The following PPFIA4 variants were observed in gnomAD, a reference collection of about 807,000 sequenced individuals.
The protein encoded by PPFIA4 is liprin-alpha-4.
In PPFIA4, 98 loss-of-function variants were observed where a neutral mutation model predicts 145.7. That is an observed-to-expected ratio of 0.67 (90% CI 0.57 to 0.80). The LOEUF (loss-of-function observed/expected upper bound fraction) is 0.80. Ranked by LOEUF, PPFIA4 falls within the 30% of genes least tolerant of loss-of-function variation. PPFIA4 has a pLI of 0.00. For synonymous variants in PPFIA4, 628 were observed against 649.6 expected (o/e 0.97, Z 0.51); for missense variants, 1,457 against 1,632.7 (o/e 0.89, Z 1.85).
At chr1:203,054,671 G>GACAC (rs57027876) in intron 15 of PPFIA4, among the ~76,000 whole-genome samples, 17,728 of 148,298 alleles carry the variant, frequency 0.12, 1,231 homozygotes, top group South Asian at 0.17. Context: ...TTACAAAGAA[G>GACAC]ACACACACAC....
In PPFIA4 at chr1:203,055,369, G is replaced by A. The variant is rs924080111; in HGVS notation, c.1830-63G>A. 1.4e-5 allele frequency: 22 copies of A among 1,604,108 alleles called. No homozygotes were observed. The highest frequency in any genetic ancestry group is 1.7e-5 in the Admixed American group (1 of 59,862). On this transcript the variant is annotated intron_variant, in intron 15 of 29. Coordinates refer to ENST00000295706, the MANE Select transcript of PPFIA4 (RefSeq NM_001304331.2). This position sits in a 1 kb window ranked among gnomAD's most constrained non-coding sequence, Gnocchi z 4.8. ...TGGTGGCGAGTGCAGGCATCGACCC[G>A]CACTGCCTCCTGCTGGTCCTGGCTG...
intron 27 of PPFIA4, 110 bp from the exon 28 acceptor site, chr1:203,071,582 T>A: frequency 1.2e-6 from 1 of 835,290 alleles, no homozygotes; most frequent in Non-Finnish European, 2.0e-6. Context: ...CTAAATGCAC[T>A]GGAGCCTTGC....
chr1:203,043,337 G>C lies in PPFIA4; in HGVS notation c.235-60G>C. 1 of 1,452,280 alleles carries C rather than the reference G, an allele frequency of 6.9e-7. No homozygotes were observed. Among genetic ancestry groups the C allele is most frequent in the Admixed American group, 1.9e-5 (1 of 51,584 alleles). 90.0% of individuals were successfully genotyped at this position (1,452,280 alleles called of 1,614,324 possible). A position where few individuals can be genotyped will look rare whatever the true frequency, so the allele number is the denominator to read the frequency against. ...AGAGGATCCCACCACTGACTTGCAT[G>C]TGCAGGACACTGCTTTGGGGGTGAA... On this transcript the variant is annotated intron_variant, in intron 2 of 29. Transcript: ENST00000295706. This position sits in a 1 kb window ranked among gnomAD's most constrained non-coding sequence, Gnocchi z 4.4.
At chr1:203,046,030 C>T (rs1161168957) in intron 8 of PPFIA4, 43 bp downstream of exon 8, 1 of 1,610,520 alleles carries the variant, frequency 6.2e-7, no homozygotes, top group Non-Finnish European at 8.5e-7. Context: ...TGTACTTAGC[C>T]CTGGAGGTGT....
Position 203,055,309 on chromosome 1 carries a change from A to G in PPFIA4, c.1830-123A>G. ...GTGTTTCTAAGCTCCAGTGGGACAG[A>G]CAAAGCCTGGCGGGTGTACACCGCA... On this transcript the variant is annotated intron_variant, in intron 15 of 29. Transcript: ENST00000295706. The surrounding 1 kb of genome is among the most constrained non-coding windows in gnomAD (Gnocchi z 4.8). The G allele has an allele frequency of 7.6e-7, 1 of 1,319,722 alleles. No individual in the cohort carries two copies. Among genetic ancestry groups the G allele is most frequent in the South Asian group, 1.3e-5 (1 of 75,522 alleles). 81.8% of individuals were successfully genotyped at this position (1,319,722 alleles called of 1,614,324 possible).
chr1:203,049,874 C>T (rs2102646187), intron 13 of PPFIA4, 107 bp downstream of exon 13: 1 of 1,015,018 alleles, frequency 9.9e-7, no homozygotes, highest in Non-Finnish European at 1.4e-6. Context: ...GGGTCCTCCT[C>T]CTGTTCAGGG....
Position 203,055,819 on chromosome 1 carries a change from C to T in PPFIA4, c.2070+147C>T. ...AGACCCCGACATGTCAGGCCACCAG[C>T]CTGTCCTTCTGGGTTTGGGAAGGGC... On this transcript the variant is annotated intron_variant, in intron 16 of 29. Transcript: ENST00000295706. This position sits in a 1 kb window ranked among gnomAD's most constrained non-coding sequence, Gnocchi z 4.8. 1 of 1,314,258 alleles carries T rather than the reference C, an allele frequency of 7.6e-7. No homozygotes were observed. The highest frequency in any genetic ancestry group is 2.4e-5 in the East Asian group (1 of 42,136). 81.4% of individuals were successfully genotyped at this position (1,314,258 alleles called of 1,614,324 possible).
At position 203,048,101 on chromosome 1, in the gene PPFIA4, C is replaced by CTGAAA. The variant is rs930201157; in HGVS notation, c.1141-123_1141-122insAATGA. On this transcript the variant is annotated intron_variant, in intron 9 of 29. Transcript: ENST00000295706. The surrounding 1 kb of genome is among the most constrained non-coding windows in gnomAD (Gnocchi z 5.8). ...CCTGCTCCAAGATGATAAGTGGAGG[C>CTGAAA]TGAGCGTCACTGGTACTGGGGGCCA... 1.3e-6 allele frequency: 1 copy of CTGAAA among 782,394 alleles called. No individual in the cohort carries two copies. The highest frequency in any genetic ancestry group is 2.2e-6 in the Non-Finnish European group (1 of 464,408). 48.5% of individuals were successfully genotyped at this position (782,394 alleles called of 1,614,324 possible). A position where few individuals can be genotyped will look rare whatever the true frequency, so the allele number is the denominator to read the frequency against.
intron 12 of PPFIA4, 136 bp downstream of exon 12, chr1:203,049,116 C>T (rs1389543962): frequency 2.1e-5 from 18 of 852,616 alleles, no homozygotes; most frequent in East Asian, 1.6e-4. Flanking sequence ...TACATTATTC[C>T]GTGATTTCTC....
chr1:203,061,018 A>G lies in PPFIA4; in HGVS notation c.2833A>G (p.Thr945Ala). Reference sequence around the variant, plus strand: ...CCATGAAGAGATGGAAACTCTGGAAACATCTACTAAAACAGTGAGTCTGGC... The same window carrying G: ...CCATGAAGAGATGGAAACTCTGGAAGCATCTACTAAAACAGTGAGTCTGGC... ...VTHEEMETLETSTKTDSEEGS... is the reference protein window; with the variant it reads ...VTHEEMETLEASTKTDSEEGS... Residue 945 changes from threonine (T) to alanine (A), a missense_variant, in exon 23 of 30, where the codon ACA becomes GCA. Transcript: ENST00000295706. 6.2e-7 allele frequency: 1 copy of G among 1,613,982 alleles called. No individual in the cohort carries two copies. Among genetic ancestry groups the G allele is most frequent in the Admixed American group, 1.7e-5 (1 of 60,020 alleles).
At chr1:203,035,705 C>A in intron 1 of PPFIA4, 1 of 455,668 alleles carries the variant, frequency 2.2e-6, no homozygotes, top group East Asian at 7.0e-5. Context: ...ATGATAATTG[C>A]GCTATTTAAA....
intron 28 of PPFIA4, among the ~76,000 whole-genome samples, chr1:203,072,701 C>A (rs999033320): frequency 2.6e-5 from 4 of 152,188 alleles, no homozygotes; most frequent in Non-Finnish European, 5.9e-5. Context: ...TAGGGTTTAA[C>A]AGGGCGAAAA....
intron 13 of PPFIA4, among the ~76,000 whole-genome samples, chr1:203,050,074 C>T (rs1660396178): frequency 6.6e-6 from 1 of 152,232 alleles, no homozygotes; most frequent in South Asian, 2.1e-4. Context: ...TGAGAGAGGC[C>T]TGCACATCCC....
At position 203,063,856 on chromosome 1, in the gene PPFIA4, A is replaced by G; in HGVS notation, c.2903A>G (p.Glu968Gly). 6.2e-7 allele frequency: 1 copy of G among 1,613,940 alleles called. No individual in the cohort carries two copies. Among genetic ancestry groups the G allele is most frequent in the Non-Finnish European group, 8.5e-7 (1 of 1,179,882 alleles). The change falls in exon 25 of 30, where the codon GAG (glutamate) becomes GGG (glycine). Residue 968 changes from glutamate to glycine, a missense_variant. Around this residue, in one of 3 missense-constraint regions of PPFIA4, gnomAD observed 848 missense variants for 1,046.7 expected, o/e 0.81. Transcript: ENST00000295706. ...CTGGCCTATGGGGACATGAACCATG[A>G]GTGGATTGGGAATGAATGGCTACCC... ...QTLAYGDMNHEWIGNEWLPSL... is the reference protein window; with the variant it reads ...QTLAYGDMNHGWIGNEWLPSL...
At chr1:203,069,825 G>A (rs1662016089) in intron 27 of PPFIA4, among the ~76,000 whole-genome samples, 1 of 139,938 alleles carries the variant, frequency 7.1e-6, no homozygotes, top group Non-Finnish European at 1.5e-5. Context: ...TCCAAGAGGA[G>A]CCTGGATTTT....
In PPFIA4 at chr1:203,077,626, G is replaced by C. The variant is rs1662630936; in HGVS notation, c.*1236G>C. On this transcript the variant is annotated 3_prime_UTR_variant, in exon 30 of 30. Transcript: ENST00000295706. ...AGGGCTATTTTGGTGGGCAGGGACT[G>C]CCTCCTCCCGGAATTCCTAAGATCC... is the stretch of plus-strand genomic sequence containing the variant. 2 of 152,152 alleles carry C rather than the reference G, an allele frequency of 1.3e-5. 1 individual carries two copies. Among genetic ancestry groups the C allele is most frequent in the Admixed American group, 1.3e-4 (2 of 15,278 alleles). The allele number at this position is 152,152 out of a possible 1,614,324, so 9.4% of individuals were successfully genotyped here.
chr1:203,062,603 A>G (rs1302099771), intron 24 of PPFIA4, among the ~76,000 whole-genome samples: 4 of 151,600 alleles, frequency 2.6e-5, no homozygotes, highest in Non-Finnish European at 5.9e-5. Context: ...ATATCTGCTC[A>G]GGGAAAACCC....
intron 1 of PPFIA4, among the ~76,000 whole-genome samples, chr1:203,038,239 A>G (rs899192885): frequency 6.6e-6 from 1 of 152,046 alleles, no homozygotes; most frequent in African/African-American, 2.4e-5. Context: ...CAGAGACCCT[A>G]TTTCCTCCCC....
chr1:203,073,299 C>G (rs1383909531), intron 28 of PPFIA4, among the ~76,000 whole-genome samples: 1 of 152,194 alleles, frequency 6.6e-6, no homozygotes, highest in African/African-American at 2.4e-5. Context: ...GAGCTCTTCC[C>G]CCTTGTTCCA....
Sources: gnomAD v4.1 joint callset for allele counts (sites outside exome capture counted in the v4.1 genomes callset) on GRCh38, gnomAD v4.1.1 for gene constraint, gnomAD v4.1.1 regional missense constraint, Gnocchi (gnomAD v3.1) non-coding constraint, MANE v1.5 for transcripts, NCBI Gene and HGNC (gene_info 2026-07-23, HGNC 2026-07-21) for gene names.